The following GALNT13 variants were observed in gnomAD, a reference collection of about 807,000 sequenced individuals.
GALNT13 encodes the protein UDP-GalNAc:polypeptide N-acetylgalactosaminyltransferase 13.
In GALNT13, 28 loss-of-function variants were observed where a neutral mutation model predicts 64.2. The observed-to-expected ratio is 0.44, with a 90% CI of 0.32 to 0.60. The LOEUF is 0.60. Among genes scored for constraint, GALNT13 ranks in the 20% least tolerant of loss-of-function variants. The pLI is 0.05. For synonymous variants in GALNT13, 214 were observed against 224.6 expected (o/e 0.95, Z 0.42); for missense variants, 577 against 669.8 (o/e 0.86, Z 1.53).
the GALNT13 span, among the ~76,000 whole-genome samples, chr2:153,572,909 A>G: frequency 6.6e-6 from 1 of 152,046 alleles, no homozygotes; most frequent in Non-Finnish European, 1.5e-5. Flanking sequence ...AAGAATGTGT[A>G]TTCTGCAGTC....
chr2:153,401,955 T>G, the GALNT13 span, among the ~76,000 whole-genome samples: 1 of 149,700 alleles, frequency 6.7e-6, no homozygotes, highest in African/African-American at 2.5e-5. Context: ...TATGTGTGAA[T>G]TTGATCCTGT....
the GALNT13 span, among the ~76,000 whole-genome samples, chr2:153,466,436 C>T: frequency 7.7e-6 from 1 of 129,340 alleles, no homozygotes; most frequent in Admixed American, 7.8e-5. Flanking sequence ...TGTTGGAATC[C>T]TTGCTTTCTA....
the GALNT13 span, among the ~76,000 whole-genome samples, chr2:153,306,190 A>G: frequency 1.3e-5 from 2 of 152,142 alleles, no homozygotes; most frequent in African/African-American, 4.8e-5. Flanking sequence ...TCCCCAGCAA[A>G]CACTGCTGGG....
the GALNT13 span, among the ~76,000 whole-genome samples, chr2:153,226,003 G>C: frequency 6.6e-6 from 1 of 151,040 alleles, no homozygotes; most frequent in Non-Finnish European, 1.5e-5. Context: ...GTGCAATCTC[G>C]GCTCACTGCA....
the GALNT13 span, among the ~76,000 whole-genome samples, chr2:153,312,726 G>C: frequency 6.6e-6 from 1 of 152,044 alleles, no homozygotes; most frequent in Non-Finnish European, 1.5e-5. Flanking sequence ...TGTTTGCTCT[G>C]ACTGGGCTAG....
At chr2:153,165,960 A>G in the GALNT13 span, among the ~76,000 whole-genome samples, 1 of 152,216 alleles carries the variant, frequency 6.6e-6, no homozygotes, top group African/African-American at 2.4e-5. Context: ...AACTAGTGCC[A>G]TGATCTTAAT....
chr2:153,442,339 T>A, the GALNT13 span, among the ~76,000 whole-genome samples: 2 of 152,218 alleles, frequency 1.3e-5, no homozygotes, highest in Non-Finnish European at 2.9e-5. Flanking sequence ...GCTGCTAGAT[T>A]TGGTTTGCCA....
chr2:153,627,850 A>C, the GALNT13 span, among the ~76,000 whole-genome samples: 1 of 152,162 alleles, frequency 6.6e-6, no homozygotes, highest in Non-Finnish European at 1.5e-5. Flanking sequence ...TTTTGGTTCC[A>C]TATGAACTTT....
intron 9 of GALNT13, among the ~76,000 whole-genome samples, chr2:154,330,153 C>T (rs942125412): frequency 3.3e-5 from 5 of 152,046 alleles, no homozygotes; most frequent in Admixed American, 3.3e-4. Flanking sequence ...CAAGGAGACA[C>T]AATCTCATCT....
chr2:153,810,998 T>G, the GALNT13 span, among the ~76,000 whole-genome samples: 1 of 152,180 alleles, frequency 6.6e-6, no homozygotes, highest in Non-Finnish European at 1.5e-5. Context: ...TTTTGAACCC[T>G]AATTTCATCA....
the GALNT13 span, chr2:153,371,079 C>G: frequency 5.1e-6 from 1 of 197,560 alleles, no homozygotes. Context: ...CTGAGTCCAG[C>G]TGGTTGATTC....
the GALNT13 span, among the ~76,000 whole-genome samples, chr2:153,588,679 G>T: frequency 2.6e-5 from 4 of 152,214 alleles, no homozygotes; most frequent in Admixed American, 6.5e-5. Context: ...TTGTCTTGGG[G>T]ATTAACATTT....
At chr2:153,826,689 T>C in the GALNT13 span, among the ~76,000 whole-genome samples, 1 of 152,256 alleles carries the variant, frequency 6.6e-6, no homozygotes, top group East Asian at 1.9e-4. Flanking sequence ...AGCTATTTTA[T>C]GACAAATGAA....
the GALNT13 span, among the ~76,000 whole-genome samples, chr2:153,128,664 A>C: frequency 6.6e-6 from 1 of 152,358 alleles, no homozygotes; most frequent in East Asian, 1.9e-4. Flanking sequence ...GTGAGTGTGC[A>C]TGCAGAAAGA....
chr2:154,386,454 T>A (rs763611891), intron 9 of GALNT13, among the ~76,000 whole-genome samples: 48 of 152,068 alleles, frequency 3.2e-4, no homozygotes, highest in Non-Finnish European at 6.8e-4. Context: ...TGATGGTTGG[T>A]TTCCTGAGAA....
At chr2:154,041,772 A>T (rs1393728476) in intron 3 of GALNT13, among the ~76,000 whole-genome samples, 2 of 140,596 alleles carry the variant, frequency 1.4e-5, no homozygotes, top group African/African-American at 4.9e-5. Context: ...AATTACCATG[A>T]TGTTGAAGAC....
chr2:154,417,794 G>A (rs1287909830), intron 11 of GALNT13, among the ~76,000 whole-genome samples: 2 of 152,026 alleles, frequency 1.3e-5, no homozygotes, highest in African/African-American at 4.8e-5. Flanking sequence ...TTACAGGTGT[G>A]AGCCACCGCG....
At chr2:153,941,721 G>GC in intron 2 of GALNT13, among the ~76,000 whole-genome samples, 1 of 152,304 alleles carries the variant, frequency 6.6e-6, no homozygotes, top group South Asian at 2.1e-4. Flanking sequence ...TTTTATAAGT[G>GC]CCAGGGGATT....
chr2:153,965,663 C>A (rs879633096), intron 3 of GALNT13, among the ~76,000 whole-genome samples: 4 of 151,438 alleles, frequency 2.6e-5, no homozygotes, highest in Non-Finnish European at 5.9e-5. Context: ...GTTTTAATTT[C>A]TTGGTATTTG....
Sources: allele counts gnomAD v4.1 joint callset (sites outside exome capture counted in the v4.1 genomes callset), GRCh38; gene constraint gnomAD v4.1.1; transcripts MANE v1.5; gene names NCBI Gene and HGNC (gene_info 2026-07-23, HGNC 2026-07-21).